Variants in GPHN observed in about 807,000 individuals in gnomAD.
The protein encoded by GPHN is gephyrin.
Under a neutral mutation model 95.5 loss-of-function variants are expected in GPHN, and 17 were observed. That is an observed-to-expected ratio of 0.18 (90% CI 0.12 to 0.27). The LOEUF (loss-of-function observed/expected upper bound fraction) is 0.27, where lower values mean the gene tolerates loss of function less well. GPHN is among the 10% of genes least tolerant of loss of function. GPHN has a pLI of 1.00. For synonymous variants in GPHN, 320 were observed against 322.5 expected (o/e 0.99, Z 0.08); for missense variants, 660 against 978.1 (o/e 0.67, Z 4.34).
chr14:67,666,233 C>T, the GPHN span, among the ~76,000 whole-genome samples: 1 of 152,158 alleles, frequency 6.6e-6, no homozygotes, highest in Admixed American at 6.5e-5. Flanking sequence ...AATTCTCCTC[C>T]TTTATTCTTC....
chr14:66,924,352 T>G, intron 8 of GPHN, 60 bp downstream of exon 8: 1 of 898,482 alleles, frequency 1.1e-6, no homozygotes, highest in South Asian at 1.3e-5. Context: ...TTCCTCTCCT[T>G]GGAGATAGGC....
chr14:66,966,560 A>T (rs1297141935), intron 9 of GPHN, among the ~76,000 whole-genome samples: 1 of 152,058 alleles, frequency 6.6e-6, no homozygotes, highest in Non-Finnish European at 1.5e-5. Flanking sequence ...TAAAACCTGA[A>T]TTAGATGGAA....
chr14:66,657,897 T>C (rs2065400759), intron 1 of GPHN, among the ~76,000 whole-genome samples: 1 of 152,142 alleles, frequency 6.6e-6, no homozygotes, highest in Non-Finnish European at 1.5e-5. Flanking sequence ...GGGAGTAATT[T>C]TGAGTTTCAA....
At chr14:66,561,721 TTA>T (rs1386361031) in intron 1 of GPHN, among the ~76,000 whole-genome samples, 1 of 152,194 alleles carries the variant, frequency 6.6e-6, no homozygotes, top group Non-Finnish European at 1.5e-5. Flanking sequence ...TACTATACTT[TTA>T]GTTTTCTATT....
At chr14:66,640,189 G>C (rs1041239637) in intron 1 of GPHN, among the ~76,000 whole-genome samples, 3 of 152,176 alleles carry the variant, frequency 2.0e-5, no homozygotes, top group Non-Finnish European at 4.4e-5. Flanking sequence ...GGGAGGCTGA[G>C]ACACGCGGAT....
the GPHN span, chr14:67,270,347 G>A: frequency 1.3e-5 from 2 of 152,104 alleles, no homozygotes; most frequent in Admixed American, 6.6e-5. Context: ...AAAGATTTTT[G>A]TATTTGTGTT....
At chr14:66,842,334 A>G (rs1353030420) in intron 4 of GPHN, among the ~76,000 whole-genome samples, 1 of 150,324 alleles carries the variant, frequency 6.7e-6, no homozygotes, top group Non-Finnish European at 1.5e-5. Context: ...AAAGAGTGGA[A>G]GGGATCCCAC....
chr14:66,915,852 G>A, intron 5 of GPHN, 151 bp from the exon 6 acceptor site: 1 of 683,174 alleles, frequency 1.5e-6, no homozygotes, highest in East Asian at 2.7e-5. Flanking sequence ...TGCCTAATTT[G>A]TATAGCAAGC....
the GPHN span, among the ~76,000 whole-genome samples, chr14:67,508,753 C>CAAAAAAAAAAAAAAAAAAAAAAAAAAAAA: frequency 1.9e-4 from 9 of 46,702 alleles, 1 homozygote; most frequent in East Asian, 8.6e-4. Context: ...AACCTTGTCT[C>CAAAAAAAAAAAAAAAAAAAAAAAAAAAAA]AAAAAAAAAA....
At chr14:66,811,469 T>G (rs2153482900) in intron 3 of GPHN, among the ~76,000 whole-genome samples, 1 of 151,988 alleles carries the variant, frequency 6.6e-6, no homozygotes. Context: ...TTTTGTTGAT[T>G]GAATTATTTT....
intron 4 of GPHN, among the ~76,000 whole-genome samples, chr14:66,846,327 T>C (rs1450534407): frequency 6.6e-6 from 1 of 152,098 alleles, no homozygotes; most frequent in East Asian, 1.9e-4. Flanking sequence ...ATACAAAAAT[T>C]CTCTCAGAAC....
the GPHN span, among the ~76,000 whole-genome samples, chr14:67,676,557 C>T: frequency 5.3e-5 from 8 of 151,776 alleles, no homozygotes; most frequent in Admixed American, 2.6e-4. Flanking sequence ...AAGCAAGACG[C>T]TGTCTCTAAT....
chr14:66,827,680 A>G (rs912889996), intron 4 of GPHN, among the ~76,000 whole-genome samples: 1 of 152,130 alleles, frequency 6.6e-6, no homozygotes, highest in Admixed American at 6.5e-5. Flanking sequence ...ATAGACAACT[A>G]TAGCCTTTTA....
intron 2 of GPHN, among the ~76,000 whole-genome samples, chr14:66,714,434 A>G (rs2069969281): frequency 6.6e-6 from 1 of 152,160 alleles, no homozygotes; most frequent in African/African-American, 2.4e-5. Context: ...CGATCATATC[A>G]TCAGCAAACA....
chr14:67,201,538 G>A, the GPHN span: 33 of 455,836 alleles, frequency 7.2e-5, 1 homozygote, highest in South Asian at 1.2e-4. Context: ...TCTGAGAAAC[G>A]TTTTCCAGGG....
intron 1 of GPHN, among the ~76,000 whole-genome samples, chr14:66,511,445 A>G (rs573465833): frequency 7.2e-5 from 11 of 152,246 alleles, no homozygotes; most frequent in African/African-American, 2.4e-4. Context: ...TATTTTATCT[A>G]TATCTATTTT....
At chr14:67,497,648 C>T in the GPHN span, among the ~76,000 whole-genome samples, 4 of 152,274 alleles carry the variant, frequency 2.6e-5, no homozygotes, top group Admixed American at 6.5e-5. Context: ...GGTTTTTGCA[C>T]GATTTTAACA....
chr14:67,603,776 C>G, the GPHN span, among the ~76,000 whole-genome samples: 1 of 152,200 alleles, frequency 6.6e-6, no homozygotes, highest in Admixed American at 6.5e-5. Flanking sequence ...ATTCCAGGTT[C>G]AAGCGATTCT....
the GPHN span, among the ~76,000 whole-genome samples, chr14:67,674,995 C>A: frequency 2.1e-4 from 32 of 152,276 alleles, no homozygotes; most frequent in South Asian, 6.6e-3. Flanking sequence ...GTTCAGCCCG[C>A]GCGGCGACAG....
Sources: gnomAD v4.1 joint callset for allele counts (sites outside exome capture counted in the v4.1 genomes callset) on GRCh38, gnomAD v4.1.1 for gene constraint, MANE v1.5 for transcripts, NCBI Gene and HGNC (gene_info 2026-07-23, HGNC 2026-07-21) for gene names.